Variants in CRHR1 observed in about 807,000 individuals in gnomAD.
The protein encoded by CRHR1 is corticotropin releasing hormone receptor 1, also known as corticotropin-releasing hormone receptor 1.
Under a neutral mutation model 56.0 loss-of-function variants are expected in CRHR1, and 28 were observed. The ratio of observed to expected loss-of-function variants is 0.50; its 90% CI spans 0.37 to 0.69. The LOEUF (loss-of-function observed/expected upper bound fraction) is 0.69, where lower values mean the gene tolerates loss of function less well. CRHR1 is among the 30% of genes least tolerant of loss of function. The pLI is 0.00. For synonymous variants in CRHR1, 195 were observed against 216.5 expected, an observed-to-expected ratio of 0.90 and a Z score of 0.87; for missense variants, 376 against 548.0, an observed-to-expected ratio of 0.69 and a Z score of 3.13.
chr17:45,816,412 GGGC>G, intron 2 of CRHR1, 48 bp from the exon 3 acceptor site: 3 of 1,589,570 alleles, frequency 1.9e-6, no homozygotes, highest in Non-Finnish European at 2.6e-6. Flanking sequence ...TGCCTGCCTG[GGGC>G]CTTGGCCGGA....
At chr17:45,798,803 C>T (rs1171056636) in intron 1 of CRHR1, among the ~76,000 whole-genome samples, 1 of 152,200 alleles carries the variant, frequency 6.6e-6, no homozygotes, top group Non-Finnish European at 1.5e-5. Flanking sequence ...GGGCGGGGAA[C>T]ACCCAGGCTT....
intron 2 of CRHR1, among the ~76,000 whole-genome samples, chr17:45,812,122 C>G (rs1368631218): frequency 6.6e-6 from 1 of 152,132 alleles, no homozygotes; most frequent in Non-Finnish European, 1.5e-5. Context: ...TTTAAATCAT[C>G]TCTAGATTAT....
intron 3 of CRHR1, among the ~76,000 whole-genome samples, chr17:45,820,007 G>A (rs188303009): frequency 6.6e-6 from 1 of 152,320 alleles, no homozygotes; most frequent in Admixed American, 6.5e-5. Flanking sequence ...GGTCCCCAGA[G>A]GTCAGTCATG....
intron 2 of CRHR1, among the ~76,000 whole-genome samples, chr17:45,815,151 C>A (rs533531416): frequency 2.0e-5 from 3 of 152,354 alleles, no homozygotes; most frequent in South Asian, 2.1e-4. Flanking sequence ...AGGCTGCCCC[C>A]ACACGCGCTG....
At chr17:45,814,146 G>A (rs1159010213) in intron 2 of CRHR1, among the ~76,000 whole-genome samples, 4 of 152,234 alleles carry the variant, frequency 2.6e-5, no homozygotes, top group East Asian at 1.9e-4. Context: ...GGTGTGTTCC[G>A]TGTGTTCATT....
chr17:45,823,623 GAGCCCAGGCTCCGGAGCACAGGCTCTGC>G (rs1026150791), intron 4 of CRHR1, among the ~76,000 whole-genome samples: 6 of 152,260 alleles, frequency 3.9e-5, no homozygotes, highest in African/African-American at 1.2e-4. Context: ...CAGGGCTTTG[GAGCCCAGGCTCCGGAGCACAGGCTCTGC>G]AGCCCAGGCT....
chr17:45,784,681 A>G lies in CRHR1; in HGVS notation c.33+104A>G. 1.6e-6 allele frequency: 2 copies of G among 1,222,466 alleles called. No individual in the cohort carries two copies. Among genetic ancestry groups the G allele is most frequent in the Non-Finnish European group, 1.1e-6 (1 of 918,574 alleles). The allele number at this position is 1,222,466 out of a possible 1,614,324, so 75.7% of individuals were successfully genotyped here. A position where few individuals can be genotyped will look rare whatever the true frequency, so the allele number is the denominator to read the frequency against. On this transcript the variant is annotated intron_variant, in intron 1 of 12. Coordinates refer to ENST00000314537, the MANE Select transcript of CRHR1 (RefSeq NM_004382.5). The surrounding 1 kb of genome is among the most constrained non-coding windows in gnomAD (Gnocchi z 4.2). ...GTGATGGGGGCGGGGGCGCTGGGAG[A>G]GCCGTGCTTAGGTCGGGGAAGGCTG... is the stretch of plus-strand genomic sequence containing the variant.
intron 5 of CRHR1, chr17:45,829,541 C>T (rs1178950470): frequency 1.3e-6 from 2 of 1,544,018 alleles, no homozygotes; most frequent in African/African-American, 2.7e-5. Context: ...CAAAACTTGT[C>T]TTATGTCACC....
At chr17:45,824,834 C>T (rs1238404040) in intron 4 of CRHR1, among the ~76,000 whole-genome samples, 5 of 152,164 alleles carry the variant, frequency 3.3e-5, no homozygotes, top group Admixed American at 6.5e-5. Flanking sequence ...CTATGGGAGA[C>T]GTTCCATTCA....
chr17:45,808,760 T>C (rs1244348544), intron 2 of CRHR1, among the ~76,000 whole-genome samples: 2 of 152,004 alleles, frequency 1.3e-5, no homozygotes, highest in Admixed American at 1.3e-4. Context: ...GGAATCCTCC[T>C]CTCTCAGCCT....
chr17:45,807,220 C>G, intron 2 of CRHR1, 123 bp downstream of exon 2: 1 of 836,254 alleles, frequency 1.2e-6, no homozygotes, highest in Admixed American at 2.2e-5. Context: ...CATTTCCTCT[C>G]CAGGGCTCCA....
chr17:45,815,622 T>C (rs920323901), intron 2 of CRHR1, among the ~76,000 whole-genome samples: 1 of 152,232 alleles, frequency 6.6e-6, no homozygotes, highest in African/African-American at 2.4e-5. Context: ...TGTTGAAGTT[T>C]CCAGTGGGCT....
At chr17:45,800,211 C>A (rs2061597410) in intron 1 of CRHR1, 1 of 152,342 alleles carries the variant, frequency 6.6e-6, no homozygotes, top group South Asian at 2.1e-4. Flanking sequence ...ATGAAGGATC[C>A]CAGACCACCA....
intron 4 of CRHR1, among the ~76,000 whole-genome samples, chr17:45,828,947 C>G (rs1320400911): frequency 6.6e-6 from 1 of 152,134 alleles, no homozygotes; most frequent in Non-Finnish European, 1.5e-5. Flanking sequence ...GCGGGGGGTC[C>G]ATGTGGAGTG....
chr17:45,826,975 C>T (rs1326638580), intron 4 of CRHR1: 2 of 152,158 alleles, frequency 1.3e-5, no homozygotes, highest in African/African-American at 2.4e-5. Flanking sequence ...AGTGAGACTC[C>T]ATCCCTCCCC....
chr17:45,794,912 G>A (rs1323940084), intron 1 of CRHR1, among the ~76,000 whole-genome samples: 2 of 152,262 alleles, frequency 1.3e-5, no homozygotes, highest in Non-Finnish European at 2.9e-5. Context: ...CTCTGGTGGA[G>A]CCTCAGCTGG....
In CRHR1 at chr17:45,784,671, G is replaced by T. The variant is rs2061298524; in HGVS notation, c.33+94G>T. 2 of 1,305,452 alleles carry T rather than the reference G, an allele frequency of 1.5e-6. No individual in the cohort carries two copies. Among genetic ancestry groups the T allele is most frequent in the Non-Finnish European group, 2.0e-6 (2 of 983,652 alleles). 80.9% of individuals were successfully genotyped at this position (1,305,452 alleles called of 1,614,324 possible). ...GGCTGTGGGTGTGATGGGGGCGGGG[G>T]CGCTGGGAGAGCCGTGCTTAGGTCG... is the stretch of plus-strand genomic sequence containing the variant. On this transcript the variant is annotated intron_variant, in intron 1 of 12. Coordinates refer to ENST00000314537, the MANE Select transcript of CRHR1 (RefSeq NM_004382.5). The surrounding 1 kb of genome is among the most constrained non-coding windows in gnomAD (Gnocchi z 4.2).
At position 45,835,134 on chromosome 17, in the gene CRHR1, G is replaced by A; in HGVS notation, c.*370G>A. On this transcript the variant is annotated 3_prime_UTR_variant, in exon 13 of 13. Transcript: ENST00000314537. ...GGCCAGCCCACTGGGCCCTGGGGCT[G>A]CCCTCGGCAACCGTGGGGAGGCCAT... 4.1e-6 allele frequency: 1 copy of A among 243,892 alleles called. No homozygotes were observed. Among genetic ancestry groups the A allele is most frequent in the Non-Finnish European group, 7.9e-6 (1 of 126,718 alleles). The allele number at this position is 243,892 out of a possible 1,614,324, so 15.1% of individuals were successfully genotyped here.
In CRHR1 at chr17:45,830,139, C is replaced by T. The variant is rs200905667; in HGVS notation, c.480C>T (p.Ser160=). The change falls in exon 6 of 13, where the codon TCC becomes TCT. Residue 160 remains serine, a synonymous_variant. Transcript: ENST00000314537. ...LRNIIHWNLI[S]AFILRNATWF... is the part of the protein sequence containing the mutation. ...ACATCATCCACTGGAACCTCATCTC[C>T]GCCTTCATCCTGCGCAACGCCACCT... 84 of 1,614,124 alleles carry T rather than the reference C, an allele frequency of 5.2e-5. No homozygotes were observed. In the East Asian group the frequency reaches 8.2e-4, roughly 16 times the overall value.
Sources: gnomAD v4.1 joint callset for allele counts (sites outside exome capture counted in the v4.1 genomes callset) on GRCh38, gnomAD v4.1.1 for gene constraint, Gnocchi (gnomAD v3.1) non-coding constraint, MANE v1.5 for transcripts, NCBI Gene and HGNC (gene_info 2026-07-23, HGNC 2026-07-21) for gene names.